Variants in KASH5 observed in about 807,000 individuals in gnomAD.
KASH5 encodes protein KASH5.
A neutral mutation model predicts 84.2 loss-of-function variants in KASH5; 72 were observed. That is an observed-to-expected ratio of 0.85 (90% confidence interval 0.71 to 1.04). The LOEUF is 1.04. KASH5 is among the 50% of genes least tolerant of loss of function. The probability of loss-of-function intolerance (pLI) is 0.00; values close to 1 mark genes in which losing one functional copy is unlikely to be tolerated. For missense variants in KASH5, 650 were observed against 701.0 expected (o/e 0.93, Z 0.82); for synonymous variants, 260 against 279.1 (o/e 0.93, Z 0.68).
chr19:49,395,683 C>T lies in KASH5; in HGVS notation c.336-86C>T. ...AGCTCTCACCTGACCCGGTCCCCTC[C>T]TCCCACCTGCAATCCCCCTGCCTGT... On this transcript the variant is annotated intron_variant, in intron 4 of 19. Transcript: ENST00000447857. This position sits in a 1 kb window ranked among gnomAD's most constrained non-coding sequence, Gnocchi z 4.4. 7.2e-7 allele frequency: 1 copy of T among 1,387,082 alleles called. No individual in the cohort carries two copies. The highest frequency in any genetic ancestry group is 1.0e-6 in the Non-Finnish European group (1 of 1,002,194). 85.9% of individuals were successfully genotyped at this position (1,387,082 alleles called of 1,614,324 possible).
chr19:49,393,056 T>C (rs1223036413), intron 2 of KASH5, among the ~76,000 whole-genome samples: 1 of 152,126 alleles, frequency 6.6e-6, no homozygotes, highest in Non-Finnish European at 1.5e-5. Context: ...TTTCACTCAC[T>C]GCAGAGAATC....
chr19:49,406,621 C>T (rs865804661), intron 9 of KASH5, among the ~76,000 whole-genome samples: 2 of 152,124 alleles, frequency 1.3e-5, no homozygotes, highest in African/African-American at 2.4e-5. Context: ...GTGATCCGCC[C>T]GCCTCAGCCT....
intron 7 of KASH5, 91 bp from the exon 8 acceptor site, chr19:49,398,934 C>G (rs1010269388): frequency 2.1e-5 from 20 of 967,770 alleles, no homozygotes; most frequent in African/African-American, 9.9e-5. Flanking sequence ...TGGGATCTCT[C>G]TGTTGCTAGT....
chr19:49,395,158 G>A lies in KASH5; in HGVS notation c.201G>A (p.Gln67=). 6.2e-7 allele frequency: 1 copy of A among 1,612,822 alleles called. No homozygotes were observed. Among genetic ancestry groups the A allele is most frequent in the Non-Finnish European group, 8.5e-7 (1 of 1,179,496 alleles). Residue 67 remains glutamine, a synonymous_variant, in exon 4 of 20, where the codon CAG becomes CAA. Coordinates refer to ENST00000447857, the MANE Select transcript of KASH5 (RefSeq NM_144688.5). The surrounding 1 kb of genome is among the most constrained non-coding windows in gnomAD (Gnocchi z 4.4). ...CCTACCTGGAGGCTGTGACAGGCCA[G>A]GGCCCCCAGGATGCACGCCTCCAAA... The part of the protein sequence containing the change: ...VLAYLEAVTG[Q]GPQDARLQTL...
intron 5 of KASH5, among the ~76,000 whole-genome samples, chr19:49,396,242 ACTTTTTT>A (rs757183380): frequency 8.1e-6 from 1 of 122,902 alleles, no homozygotes; most frequent in Non-Finnish European, 1.7e-5. Context: ...ACCCTGCTGG[ACTTTTTT>A]TTTTTTTTTT....
chr19:49,394,877 T>C (rs1974123081), intron 3 of KASH5: 1 of 590,460 alleles, frequency 1.7e-6, no homozygotes, highest in African/African-American at 1.9e-5. Context: ...GCTGTCCCTA[T>C]GTCCATCCCC....
chr19:49,417,301 G>T lies in KASH5; in HGVS notation c.1547+35G>T. 6.3e-7 allele frequency: 1 copy of T among 1,595,168 alleles called. No individual in the cohort carries two copies. Among genetic ancestry groups the T allele is most frequent in the Non-Finnish European group, 8.5e-7 (1 of 1,170,540 alleles). On this transcript the variant is annotated intron_variant, in intron 19 of 19. Coordinates refer to ENST00000447857, the MANE Select transcript of KASH5 (RefSeq NM_144688.5). This position sits in a 1 kb window ranked among gnomAD's most constrained non-coding sequence, Gnocchi z 5.2. ...CAGGCGTCTCCAGAAGGAAGGAGGTGGTCTGACATTGGGAAGAGCAGGGGC... is the reference window on the plus strand; with the variant it reads ...CAGGCGTCTCCAGAAGGAAGGAGGTTGTCTGACATTGGGAAGAGCAGGGGC...
chr19:49,405,510 T>C (rs1974496294), intron 9 of KASH5, among the ~76,000 whole-genome samples: 1 of 151,208 alleles, frequency 6.6e-6, no homozygotes, highest in East Asian at 1.9e-4. Flanking sequence ...TAGTATGAGA[T>C]GATACTGAGT....
rs1568623899 is a variant in KASH5, at chr19:49,412,985, G to A, written c.1287G>A (p.Glu429=). The A allele has an allele frequency of 3.1e-6, 5 of 1,613,578 alleles. No homozygotes were observed. The highest frequency in any genetic ancestry group is 4.2e-6 in the Non-Finnish European group (5 of 1,179,848). ...PAGGQRNFQG[E]PAHPEEGRKE... is the part of the protein sequence containing the mutation. ...TTCCACAGAGAAACTTCCAGGGAGA[G>A]CCAGCGCACCCTGAAGAAGGAAGGA... The change falls in exon 16 of 20, where the codon GAG becomes GAA. Residue 429 remains glutamate, a synonymous_variant. Transcript: ENST00000447857. The surrounding 1 kb of genome is among the most constrained non-coding windows in gnomAD (Gnocchi z 4.6).
Position 49,395,034 on chromosome 19 carries a change from C to T in KASH5, c.149-72C>T, listed in dbSNP as rs1974127596. 8.0e-7 allele frequency: 1 copy of T among 1,252,206 alleles called. No homozygotes were observed. The highest frequency in any genetic ancestry group is 1.5e-5 in the African/African-American group (1 of 66,016). The allele number at this position is 1,252,206 out of a possible 1,614,324, so 77.6% of individuals were successfully genotyped here. ...CAGCCTAGCCAGTGACATCCTGGTC[C>T]CAAGCTGCTGCCAGTCCATACCCAT... On this transcript the variant is annotated intron_variant, in intron 3 of 19. Transcript: ENST00000447857. The surrounding 1 kb of genome is among the most constrained non-coding windows in gnomAD (Gnocchi z 4.4).
chr19:49,404,318 C>T (rs994403235), intron 9 of KASH5, among the ~76,000 whole-genome samples: 3 of 152,198 alleles, frequency 2.0e-5, no homozygotes, highest in Non-Finnish European at 4.4e-5. Flanking sequence ...GTGACCACCT[C>T]GCTTTGAAAC....
rs1215223498 is a variant in KASH5 at position 49,412,967 on chromosome 19, GAGAA to G, written c.1271_1274del (p.Arg424ThrfsTer20). The G allele has an allele frequency of 3.1e-6, 5 of 1,613,628 alleles. No homozygotes were observed. In the South Asian group the frequency reaches 5.5e-5, roughly 18 times the overall value. On this transcript the variant is annotated frameshift_variant and splice_region_variant, in exon 16 of 20. Transcript: ENST00000447857. LOFTEE classifies it high-confidence loss of function. This position sits in a 1 kb window ranked among gnomAD's most constrained non-coding sequence, Gnocchi z 4.6. ...AAGAACTAACCTTTTTGTTTCCACA[GAGAA>G]ACTTCCAGGGAGAGCCAGCGCACCC...
intron 14 of KASH5, among the ~76,000 whole-genome samples, chr19:49,409,510 C>T (rs1974643558): frequency 6.6e-6 from 1 of 152,150 alleles, no homozygotes; most frequent in Non-Finnish European, 1.5e-5. Context: ...TTTGACTCAC[C>T]CCTATCTCGT....
chr19:49,404,497 C>T (rs565915314), intron 9 of KASH5, among the ~76,000 whole-genome samples: 3 of 152,190 alleles, frequency 2.0e-5, no homozygotes, highest in Non-Finnish European at 4.4e-5. Flanking sequence ...CCTCAGGAAG[C>T]CTGTTAGTGC....
chr19:49,416,137 A>G lies in KASH5; in HGVS notation c.1375-878A>G, dbSNP rs1270538289. ...AAAATCATATTTCAGTATAGCAACCATGAGCAATTAGAAAAATAAATTTGT... is the reference window on the plus strand; with the variant it reads ...AAAATCATATTTCAGTATAGCAACCGTGAGCAATTAGAAAAATAAATTTGT... On this transcript the variant is annotated intron_variant, in intron 17 of 19. Transcript: ENST00000447857. This position sits in a 1 kb window ranked among gnomAD's most constrained non-coding sequence, Gnocchi z 5.4. Among the ~76,000 whole-genome samples the G allele has an allele frequency of 6.6e-6, 1 of 152,252 alleles. No homozygotes were observed. The highest frequency in any genetic ancestry group is 2.4e-5 in the African/African-American group (1 of 41,466).
At chr19:49,396,021 G>T (rs1290440923) in intron 5 of KASH5, among the ~76,000 whole-genome samples, 188 bp downstream of exon 5, 2 of 152,084 alleles carry the variant, frequency 1.3e-5, no homozygotes, top group Admixed American at 6.5e-5. Context: ...TTTCTTCAGA[G>T]GGTGGTTTCC....
intron 5 of KASH5, 38 bp from the exon 6 acceptor site, chr19:49,397,613 C>G: frequency 6.2e-7 from 1 of 1,602,402 alleles, no homozygotes; most frequent in South Asian, 1.1e-5. Flanking sequence ...TTTAAGGGTT[C>G]CAGGGAAGCC....
chr19:49,394,670 T>C lies in KASH5; in HGVS notation c.148+90T>C. ...GGGAGCCTCAGAGAGAAGACTGGGCTAAGGCCCCCTCTTGGGGGTATTGTA... is the reference window on the plus strand; with the variant it reads ...GGGAGCCTCAGAGAGAAGACTGGGCCAAGGCCCCCTCTTGGGGGTATTGTA... On this transcript the variant is annotated intron_variant, in intron 3 of 19. Coordinates refer to ENST00000447857, the MANE Select transcript of KASH5 (RefSeq NM_144688.5). 4.2e-6 allele frequency: 4 copies of C among 963,734 alleles called. No homozygotes were observed. The East Asian group carries it at 7.2e-5, about 17-fold the overall frequency. The allele number at this position is 963,734 out of a possible 1,614,324, so 59.7% of individuals were successfully genotyped here.
intron 17 of KASH5, 59 bp downstream of exon 17, chr19:49,415,055 A>C (rs1157186559): frequency 1.3e-6 from 2 of 1,519,064 alleles, no homozygotes; most frequent in Non-Finnish European, 1.8e-6. Context: ...ACAGAGGCTG[A>C]GTCGTTTCAA....
Sources: allele counts gnomAD v4.1 joint callset (sites outside exome capture counted in the v4.1 genomes callset), GRCh38; gene constraint gnomAD v4.1.1; non-coding constraint Gnocchi (gnomAD v3.1); transcripts MANE v1.5; gene names NCBI Gene and HGNC (gene_info 2026-07-23, HGNC 2026-07-21).